Variants in RAD51B observed in about 807,000 individuals in gnomAD.
RAD51B encodes DNA repair protein RAD51 homolog 2.
Under a neutral mutation model 42.2 loss-of-function variants are expected in RAD51B, and 38 were observed. That is an observed-to-expected ratio of 0.90 (90% CI 0.70 to 1.18). The LOEUF (loss-of-function observed/expected upper bound fraction) is 1.18, where lower values mean the gene tolerates loss of function less well. Among genes scored for constraint, RAD51B ranks in the 50% most tolerant of loss-of-function variants. The pLI, the probability that RAD51B is intolerant of heterozygous loss-of-function variation, is 0.00. For missense variants in RAD51B, 373 were observed against 400.7 expected, an observed-to-expected ratio of 0.93 and a Z score of 0.59; for synonymous variants, 154 against 145.2, an observed-to-expected ratio of 1.06 and a Z score of -0.43.
intron 8 of RAD51B, among the ~76,000 whole-genome samples, chr14:68,397,414 T>C (rs941686147): frequency 2.0e-5 from 3 of 152,248 alleles, no homozygotes; most frequent in African/African-American, 7.2e-5. Context: ...TCTCCCGCCA[T>C]GAGGCGGCTG....
downstream of RAD51B, among the ~76,000 whole-genome samples, chr14:68,612,841 AGGAG>A (rs935039630): frequency 2.1e-5 from 3 of 143,380 alleles, no homozygotes; most frequent in Non-Finnish European, 4.5e-5. Flanking sequence ...GAGGGAAGGA[AGGAG>A]GGAGAGGGGA....
intron 10 of RAD51B, among the ~76,000 whole-genome samples, chr14:68,555,942 G>A (rs991187361): frequency 1.3e-5 from 2 of 152,182 alleles, no homozygotes; most frequent in African/African-American, 4.8e-5. Flanking sequence ...GGATGTTAAG[G>A]CTCAATATGT....
intron 6 of RAD51B, 63 bp from the exon 7 acceptor site, chr14:67,886,958 A>T: frequency 9.1e-7 from 1 of 1,103,056 alleles, no homozygotes; most frequent in Non-Finnish European, 1.3e-6. Context: ...AGCCTTTGCA[A>T]TACCTTTATT....
chr14:68,048,160 C>T (rs1412310259), intron 7 of RAD51B, among the ~76,000 whole-genome samples: 2 of 152,100 alleles, frequency 1.3e-5, no homozygotes, highest in African/African-American at 2.4e-5. Context: ...AAGATCGGCC[C>T]GCCTAAAGCT....
intron 8 of RAD51B, among the ~76,000 whole-genome samples, chr14:68,386,878 C>T (rs1029587627): frequency 1.3e-5 from 2 of 152,086 alleles, no homozygotes; most frequent in Admixed American, 6.5e-5. Flanking sequence ...TTAGGATGCC[C>T]GAAGACTGGT....
At chr14:67,972,400 C>T (rs1190114138) in intron 7 of RAD51B, among the ~76,000 whole-genome samples, 2 of 151,974 alleles carry the variant, frequency 1.3e-5, no homozygotes, top group African/African-American at 2.4e-5. Flanking sequence ...CTGGGAAGGG[C>T]CTAGACTTTA....
At chr14:68,337,723 A>G (rs1347334312) in intron 8 of RAD51B, among the ~76,000 whole-genome samples, 1 of 152,140 alleles carries the variant, frequency 6.6e-6, no homozygotes, top group Non-Finnish European at 1.5e-5. Context: ...CTGATGCTCA[A>G]CCTGAATTAA....
intron 7 of RAD51B, among the ~76,000 whole-genome samples, chr14:68,183,482 T>C (rs2079094131): frequency 6.6e-6 from 1 of 152,134 alleles, no homozygotes; most frequent in South Asian, 2.1e-4. Context: ...GTCCACTGAC[T>C]CAAATGTTTA....
chr14:68,553,568 A>T (rs1225072137), intron 10 of RAD51B, among the ~76,000 whole-genome samples: 5 of 152,134 alleles, frequency 3.3e-5, no homozygotes, highest in Non-Finnish European at 7.3e-5. Flanking sequence ...CCAGTGCAGG[A>T]AGCAAACAAG....
At chr14:68,535,149 A>G (rs1379654391) in intron 10 of RAD51B, among the ~76,000 whole-genome samples, 1 of 152,204 alleles carries the variant, frequency 6.6e-6, no homozygotes, top group Non-Finnish European at 1.5e-5. Flanking sequence ...GTGGATGTAC[A>G]GAACAATCTC....
intron 8 of RAD51B, among the ~76,000 whole-genome samples, chr14:68,401,004 GA>G (rs1208137798): frequency 6.6e-6 from 1 of 152,182 alleles, no homozygotes; most frequent in Non-Finnish European, 1.5e-5. Context: ...GAGCTGATGG[GA>G]GGAGATTGCT....
intron 7 of RAD51B, among the ~76,000 whole-genome samples, chr14:68,178,387 C>T (rs1405197495): frequency 6.6e-6 from 1 of 151,938 alleles, no homozygotes; most frequent in Non-Finnish European, 1.5e-5. Flanking sequence ...TTCTTTTTTT[C>T]TGTCATCCTT....
At chr14:68,561,636 G>A (rs570336068) in intron 10 of RAD51B, among the ~76,000 whole-genome samples, 10 of 152,318 alleles carry the variant, frequency 6.6e-5, no homozygotes, top group East Asian at 3.9e-4. Flanking sequence ...GACCAGCAGC[G>A]TGAGGGTTCC....
At chr14:68,164,707 C>T (rs2078714618) in intron 7 of RAD51B, among the ~76,000 whole-genome samples, 1 of 152,164 alleles carries the variant, frequency 6.6e-6, no homozygotes, top group African/African-American at 2.4e-5. Context: ...TTTGGGAGTG[C>T]ATTCCAATAG....
intron 10 of RAD51B, among the ~76,000 whole-genome samples, chr14:68,578,358 C>T (rs189780755): frequency 1.2e-4 from 18 of 152,170 alleles, no homozygotes; most frequent in Admixed American, 6.5e-4. Flanking sequence ...TTGTAGTGAA[C>T]GGAGATTGCA....
chr14:68,005,607 A>G lies in RAD51B; in HGVS notation c.756+118403A>G, dbSNP rs539571858. On this transcript the variant is annotated intron_variant, in intron 7 of 10. Transcript: ENST00000471583. ...TTGTTGGGCTTCGTATTTAACTACT[A>G]TATTTTAGCTACTCTAGTGGGTATA... Among the ~76,000 whole-genome samples, 3 of 152,232 alleles carry G rather than the reference A, an allele frequency of 2.0e-5. No individual in the cohort carries two copies. In the East Asian group the frequency reaches 5.8e-4, roughly 29 times the overall value.
chr14:68,601,317 A>G (rs1284309245), intron 10 of RAD51B, among the ~76,000 whole-genome samples: 2 of 152,080 alleles, frequency 1.3e-5, no homozygotes, highest in Admixed American at 1.3e-4. Flanking sequence ...CAGGTAGGAC[A>G]TCTGCCTGGC....
At chr14:68,654,941 T>TC (rs925826674) in intron 11 of RAD51B, among the ~76,000 whole-genome samples, 2 of 151,604 alleles carry the variant, frequency 1.3e-5, no homozygotes, top group Non-Finnish European at 2.9e-5. Flanking sequence ...TCCAGCTCCC[T>TC]CCCCCCCTGC....
chr14:67,823,691 C>A, intron 2 of RAD51B, 64 bp downstream of exon 2: 3 of 1,202,184 alleles, frequency 2.5e-6, no homozygotes, highest in Admixed American at 2.2e-5. Flanking sequence ...TACCTTAATA[C>A]CTCTTAAACT....
Sources: allele counts gnomAD v4.1 joint callset (sites outside exome capture counted in the v4.1 genomes callset), GRCh38; gene constraint gnomAD v4.1.1; transcripts MANE v1.5; gene names NCBI Gene and HGNC (gene_info 2026-07-23, HGNC 2026-07-21).